The following CMKLR1 variants were observed in gnomAD, a reference collection of about 807,000 sequenced individuals.
CMKLR1 encodes the protein chemerin-like receptor 1.
A neutral mutation model predicts 8.2 loss-of-function variants in CMKLR1; 6 were observed. That is an observed-to-expected ratio of 0.73 (90% CI 0.40 to 1.44). The LOEUF is 1.44. Among genes scored for constraint, CMKLR1 ranks in the 40% most tolerant of loss-of-function variants. The pLI is 0.02. For missense variants in CMKLR1, 429 were observed against 478.0 expected (o/e 0.90, Z 0.96); for synonymous variants, 178 against 181.2 (o/e 0.98, Z 0.14).
At chr12:108,327,118 G>A (rs1566029599) in intron 2 of CMKLR1, among the ~76,000 whole-genome samples, 1 of 152,186 alleles carries the variant, frequency 6.6e-6, no homozygotes, top group Admixed American at 6.5e-5. Context: ...ACCCACCAAA[G>A]AGCAAAGAGC....
Position 108,330,898 on chromosome 12 carries a change from C to T in CMKLR1, c.-286-691G>A, listed in dbSNP as rs145867271. On this transcript the variant is annotated intron_variant, in intron 1 of 3. Coordinates refer to ENST00000550402, the MANE Select transcript of CMKLR1 (RefSeq NM_001142343.2). ...CCAGCCCTCAAGCCAACACATATCC[C>T]AAGAGCCTTCCAGGTCAAACACAAG... 2.4e-3 allele frequency among the ~76,000 whole-genome samples: 371 copies of T among 152,264 alleles called. 1 individual carries two copies. Among genetic ancestry groups the T allele is most frequent in the African/African-American group, 8.8e-3 (364 of 41,536 alleles).
chr12:108,311,280 A>ATGAATGTG (rs1366865729), intron 2 of CMKLR1, among the ~76,000 whole-genome samples: 3 of 130,916 alleles, frequency 2.3e-5, no homozygotes, highest in African/African-American at 9.3e-5. Context: ...AGTGGTTGAC[A>ATGAATGTG]TGAATGTGTG....
intron 2 of CMKLR1, among the ~76,000 whole-genome samples, chr12:108,314,921 C>T (rs1367946851): frequency 2.7e-5 from 4 of 148,872 alleles, no homozygotes; most frequent in East Asian, 2.0e-4. Flanking sequence ...GGCCCAGGCT[C>T]GAACACAGCC....
chr12:108,317,451 T>C (rs1160056240), intron 2 of CMKLR1, among the ~76,000 whole-genome samples: 2 of 152,118 alleles, frequency 1.3e-5, no homozygotes, highest in African/African-American at 4.8e-5. Context: ...ATGAGGATGA[T>C]GTGGACACTG....
chr12:108,320,438 G>C (rs181029832), intron 2 of CMKLR1: 1 of 152,096 alleles, frequency 6.6e-6, no homozygotes, highest in African/African-American at 2.4e-5. Flanking sequence ...AGGGATCCGG[G>C]ACTCAGAATT....
chr12:108,291,281 A>T lies in CMKLR1; in HGVS notation c.*560T>A, dbSNP rs890052078. 1 of 153,066 alleles carries T rather than the reference A, an allele frequency of 6.5e-6. No individual in the cohort carries two copies. The highest frequency in any genetic ancestry group is 2.4e-5 in the African/African-American group (1 of 41,454). 9.5% of individuals were successfully genotyped at this position (153,066 alleles called of 1,614,324 possible). A position where few individuals can be genotyped will look rare whatever the true frequency, so the allele number is the denominator to read the frequency against. On this transcript the variant is annotated 3_prime_UTR_variant, in exon 4 of 4. Transcript: ENST00000550402. ...CCTAGCTGATCCGAAAGCCAAATTC[A>T]TGGCCTATGGAGTTCATGGGCTGAT...
At chr12:108,312,704 A>G (rs1209356304) in intron 2 of CMKLR1, among the ~76,000 whole-genome samples, 1 of 152,226 alleles carries the variant, frequency 6.6e-6, no homozygotes, top group Admixed American at 6.5e-5. Context: ...TCTGGAGTCC[A>G]GGTCTTCAGT....
chr12:108,324,776 T>G (rs1456900783), intron 2 of CMKLR1, among the ~76,000 whole-genome samples: 1 of 152,142 alleles, frequency 6.6e-6, no homozygotes, highest in East Asian at 1.9e-4. Flanking sequence ...GGGTGCACCC[T>G]TCTGCTGTTG....
At chr12:108,301,920 C>T (rs73407477) in intron 2 of CMKLR1, among the ~76,000 whole-genome samples, 5 of 152,118 alleles carry the variant, frequency 3.3e-5, no homozygotes, top group Non-Finnish European at 7.4e-5. Flanking sequence ...CATACACACA[C>T]AGGCATGTGT....
chr12:108,320,661 T>A (rs1167651246), intron 2 of CMKLR1: 1 of 152,466 alleles, frequency 6.6e-6, no homozygotes, highest in Non-Finnish European at 1.5e-5. Flanking sequence ...CTGTTCCACT[T>A]TGGCCTTCCT....
intron 2 of CMKLR1, among the ~76,000 whole-genome samples, chr12:108,302,110 C>A (rs1476186223): frequency 6.6e-6 from 1 of 152,176 alleles, no homozygotes; most frequent in East Asian, 1.9e-4. Flanking sequence ...TAGGAACAGG[C>A]AATTGACAGG....
At chr12:108,295,859 G>C (rs1891120348) in intron 2 of CMKLR1, among the ~76,000 whole-genome samples, 1 of 152,182 alleles carries the variant, frequency 6.6e-6, no homozygotes, top group South Asian at 2.1e-4. Context: ...TCTCTGGCTG[G>C]GCTGGGAGCA....
intron 2 of CMKLR1, among the ~76,000 whole-genome samples, chr12:108,306,042 G>A (rs549295349): frequency 3.3e-5 from 5 of 152,270 alleles, no homozygotes; most frequent in South Asian, 2.1e-4. Flanking sequence ...CCTTAAAAGC[G>A]TTTCCTTCCT....
At chr12:108,316,502 A>G (rs1364138148) in intron 2 of CMKLR1, among the ~76,000 whole-genome samples, 1 of 152,190 alleles carries the variant, frequency 6.6e-6, no homozygotes, top group Non-Finnish European at 1.5e-5. Flanking sequence ...AAGTGGCAGA[A>G]GAAAGACGAA....
intron 2 of CMKLR1, among the ~76,000 whole-genome samples, chr12:108,328,837 A>T (rs1326595833): frequency 6.6e-6 from 1 of 152,232 alleles, no homozygotes; most frequent in Non-Finnish European, 1.5e-5. Context: ...CAGTAAAGAC[A>T]TCACCAAATG....
intron 2 of CMKLR1, among the ~76,000 whole-genome samples, chr12:108,316,170 A>G (rs1891721073): frequency 6.6e-6 from 1 of 152,334 alleles, no homozygotes; most frequent in South Asian, 2.1e-4. Flanking sequence ...TGTTAAACAA[A>G]GCACAGGCCT....
intron 1 of CMKLR1, among the ~76,000 whole-genome samples, chr12:108,331,150 G>A (rs1282339749): frequency 9.2e-5 from 14 of 152,102 alleles, no homozygotes; most frequent in Admixed American, 9.2e-4. Flanking sequence ...TAAACTCCTG[G>A]GGGATCATTC....
chr12:108,333,744 A>C (rs1321104308), intron 1 of CMKLR1, among the ~76,000 whole-genome samples: 1 of 152,170 alleles, frequency 6.6e-6, no homozygotes, highest in African/African-American at 2.4e-5. Context: ...CTACCAGCCA[A>C]CGTCACCCAG....
chr12:108,297,039 A>T (rs1891156143), intron 2 of CMKLR1, among the ~76,000 whole-genome samples: 2 of 152,188 alleles, frequency 1.3e-5, no homozygotes, highest in Non-Finnish European at 2.9e-5. Flanking sequence ...TTATGAAAAA[A>T]ATATGCGTCA....
Sources: gnomAD v4.1 joint callset for allele counts (sites outside exome capture counted in the v4.1 genomes callset) on GRCh38, gnomAD v4.1.1 for gene constraint, MANE v1.5 for transcripts, NCBI Gene and HGNC (gene_info 2026-07-23, HGNC 2026-07-21) for gene names.